PRKN: variants seen among roughly 807,000 people sequenced by gnomAD.
PRKN encodes E3 ubiquitin-protein ligase parkin.
In PRKN, 56 loss-of-function variants were observed where a neutral mutation model predicts 59.5. The observed-to-expected ratio is 0.94, with a 90% CI of 0.76 to 1.18. The LOEUF (loss-of-function observed/expected upper bound fraction) is 1.18. Ranked by LOEUF, PRKN falls within the 50% of genes most tolerant of loss-of-function variation. The pLI is 0.00. For synonymous variants in PRKN, 250 were observed against 222.1 expected (o/e 1.13, Z -1.12); for missense variants, 657 against 596.4 (o/e 1.10, Z -1.06).
At chr6:161,608,394 T>G (rs1434125619) in intron 7 of PRKN, among the ~76,000 whole-genome samples, 1 of 151,674 alleles carries the variant, frequency 6.6e-6, no homozygotes, top group Non-Finnish European at 1.5e-5. Context: ...ATAGAGGAGG[T>G]GTGTGTGTGG....
intron 1 of PRKN, chr6:162,624,552 G>A (rs1263547446): frequency 1.3e-5 from 2 of 152,168 alleles, no homozygotes; most frequent in East Asian, 1.9e-4. Flanking sequence ...TTCCACAGCA[G>A]ACTTGTACAG....
At chr6:162,297,951 C>G (rs1781754757) in intron 2 of PRKN, among the ~76,000 whole-genome samples, 1 of 152,126 alleles carries the variant, frequency 6.6e-6, no homozygotes, top group African/African-American at 2.4e-5. Flanking sequence ...TATGTGAAAT[C>G]AGGATTATAG....
At chr6:162,665,500 G>A (rs2803093) in intron 1 of PRKN, among the ~76,000 whole-genome samples, 139,270 of 152,056 alleles carry the variant, frequency 0.92, 63,945 homozygotes, top group East Asian at 0.98. Flanking sequence ...CTCTTCAAGG[G>A]GAACTACAAA....
intron 1 of PRKN, among the ~76,000 whole-genome samples, chr6:162,450,264 CT>C (rs988202122): frequency 8.0e-5 from 12 of 149,940 alleles, no homozygotes; most frequent in African/African-American, 2.8e-4. Context: ...GTAAACGCCC[CT>C]ATGACTGTAA....
At chr6:161,439,760 A>C (rs2115082193) in intron 9 of PRKN, among the ~76,000 whole-genome samples, 1 of 152,254 alleles carries the variant, frequency 6.6e-6, no homozygotes, top group African/African-American at 2.4e-5. Flanking sequence ...AATTAAGAAA[A>C]CAGATGATAA....
intron 7 of PRKN, among the ~76,000 whole-genome samples, chr6:161,769,611 T>C (rs1789578185): frequency 6.6e-6 from 1 of 152,182 alleles, no homozygotes; most frequent in Admixed American, 6.5e-5. Context: ...CTCGAAGGTA[T>C]ATATAGCCAA....
chr6:162,012,372 A>C (rs1337074098), intron 5 of PRKN, among the ~76,000 whole-genome samples: 1 of 152,052 alleles, frequency 6.6e-6, no homozygotes. Flanking sequence ...AAGAAAGTAA[A>C]CTAAAACAAG....
intron 1 of PRKN, among the ~76,000 whole-genome samples, chr6:162,651,076 T>C (rs1778410669): frequency 6.6e-6 from 1 of 152,200 alleles, no homozygotes; most frequent in Non-Finnish European, 1.5e-5. Flanking sequence ...AAATACTTTA[T>C]TATCCTGTGA....
At chr6:162,370,852 G>T (rs1201325465) in intron 2 of PRKN, among the ~76,000 whole-genome samples, 1 of 152,156 alleles carries the variant, frequency 6.6e-6, no homozygotes, top group Admixed American at 6.5e-5. Context: ...TCTGGAAAAA[G>T]AGTTTAGTGA....
Position 161,530,315 on chromosome 6 carries a change from C to G in PRKN, c.1083+18539G>C, listed in dbSNP as rs1260654607. 6.6e-6 allele frequency among the ~76,000 whole-genome samples: 1 copy of G among 152,200 alleles called. No homozygotes were observed. Among genetic ancestry groups the G allele is most frequent in the Non-Finnish European group, 1.5e-5 (1 of 68,038 alleles). On this transcript the variant is annotated intron_variant, in intron 9 of 11. Coordinates refer to ENST00000366898, the MANE Select transcript of PRKN (RefSeq NM_004562.3). The surrounding 1 kb of genome is among the most constrained non-coding windows in gnomAD (Gnocchi z 5.0). ...ATAAAAGTATCATTCCCCACCCAGA[C>G]CTGTCCCAGTGTCTAGGGAAATGCA...
At chr6:161,809,602 T>C (rs1383309602) in intron 6 of PRKN, among the ~76,000 whole-genome samples, 2 of 152,218 alleles carry the variant, frequency 1.3e-5, no homozygotes, top group Admixed American at 6.5e-5. Flanking sequence ...TTTAACATTA[T>C]TTAACATGTA....
At position 162,174,115 on chromosome 6, in the gene PRKN, C is replaced by T. The variant is rs539897138; in HGVS notation, c.534+27016G>A. Among the ~76,000 whole-genome samples, 8 of 152,282 alleles carry T rather than the reference C, an allele frequency of 5.3e-5. No homozygotes were observed. The South Asian group carries it at 1.7e-3, about 32-fold the overall frequency. The stretch of plus-strand genomic sequence containing the variant: ...TCATTGGACAAATAAATTGCATCCA[C>T]TTTTTAAGTGCATTTTGTATACAGT... On this transcript the variant is annotated intron_variant, in intron 4 of 11. Coordinates refer to ENST00000366898, the MANE Select transcript of PRKN (RefSeq NM_004562.3).
intron 7 of PRKN, among the ~76,000 whole-genome samples, chr6:161,655,634 AACG>A (rs1244155212): frequency 1.3e-5 from 2 of 152,236 alleles, no homozygotes; most frequent in African/African-American, 4.8e-5. Flanking sequence ...TGTCCACAAT[AACG>A]ACAATACTGG....
At chr6:161,711,987 A>C (rs1222628975) in intron 7 of PRKN, among the ~76,000 whole-genome samples, 1 of 152,148 alleles carries the variant, frequency 6.6e-6, no homozygotes, top group Non-Finnish European at 1.5e-5. Flanking sequence ...TTGCTCCTCA[A>C]CTTGCAGAAG....
At chr6:161,848,843 T>C (rs992956884) in intron 6 of PRKN, among the ~76,000 whole-genome samples, 1 of 152,158 alleles carries the variant, frequency 6.6e-6, no homozygotes, top group Non-Finnish European at 1.5e-5. Context: ...GAAAACTAAT[T>C]GGAATTTTAA....
In PRKN at chr6:161,700,985, C is replaced by A. The variant is rs1415089464; in HGVS notation, c.871+84787G>T. On this transcript the variant is annotated intron_variant, in intron 7 of 11. Coordinates refer to ENST00000366898, the MANE Select transcript of PRKN (RefSeq NM_004562.3). ...ATTTTGTTTGTCTGTATAGATATAG[C>A]ATATCTAAGAAAGACAACTTCATTT... 3.3e-5 allele frequency among the ~76,000 whole-genome samples: 5 copies of A among 152,164 alleles called. No homozygotes were observed. The East Asian group carries it at 9.6e-4, about 29-fold the overall frequency.
intron 6 of PRKN, among the ~76,000 whole-genome samples, chr6:161,927,052 G>C (rs760761599): frequency 4.6e-5 from 7 of 152,042 alleles, no homozygotes; most frequent in Admixed American, 2.6e-4. Context: ...GAAAATTACA[G>C]TTTTAGATAC....
At chr6:162,698,787 G>A (rs921178069) in intron 1 of PRKN, among the ~76,000 whole-genome samples, 3 of 152,152 alleles carry the variant, frequency 2.0e-5, no homozygotes, top group African/African-American at 7.2e-5. Context: ...GGAGGGACAT[G>A]CATTCCAGTA....
chr6:161,886,317 C>T (rs973936002), intron 6 of PRKN, among the ~76,000 whole-genome samples: 1 of 152,052 alleles, frequency 6.6e-6, no homozygotes, highest in Admixed American at 6.6e-5. Flanking sequence ...TTTCTTGAAA[C>T]CATAATTAAA....
Sources: allele counts gnomAD v4.1 joint callset (sites outside exome capture counted in the v4.1 genomes callset), GRCh38; gene constraint gnomAD v4.1.1; non-coding constraint Gnocchi (gnomAD v3.1); transcripts MANE v1.5; gene names NCBI Gene and HGNC (gene_info 2026-07-23, HGNC 2026-07-21).